Variants in GRIK2 observed in about 807,000 individuals in gnomAD.
GRIK2 encodes the protein glutamate ionotropic receptor kainate type subunit 2.
GRIK2 carries 32 observed loss-of-function variants against 100.3 expected under a neutral mutation model. That is an observed-to-expected ratio of 0.32 (90% CI 0.24 to 0.43). The LOEUF (loss-of-function observed/expected upper bound fraction) is 0.43. Among genes scored for constraint, GRIK2 ranks in the 20% least tolerant of loss-of-function variants. The pLI is 1.00. For missense variants in GRIK2, 843 were observed against 1,114.9 expected (o/e 0.76, Z 3.47); for synonymous variants, 417 against 389.4 (o/e 1.07, Z -0.83).
intron 2 of GRIK2, among the ~76,000 whole-genome samples, chr6:101,552,903 A>G (rs929217810): frequency 5.3e-5 from 8 of 152,204 alleles, no homozygotes; most frequent in African/African-American, 1.9e-4. Flanking sequence ...CTGAAGTTCA[A>G]ACTACTAGAT....
At chr6:101,604,116 C>T (rs900135842) in intron 2 of GRIK2, among the ~76,000 whole-genome samples, 2 of 151,416 alleles carry the variant, frequency 1.3e-5, no homozygotes, top group East Asian at 1.9e-4. Flanking sequence ...AAAATTCTTT[C>T]GAGGATTTAT....
chr6:101,715,556 A>T (rs1349628287), intron 7 of GRIK2, among the ~76,000 whole-genome samples: 3 of 151,830 alleles, frequency 2.0e-5, no homozygotes, highest in Non-Finnish European at 4.4e-5. Context: ...AGGGACTTAA[A>T]GATCAAACCA....
At chr6:101,789,401 T>C (rs1779669681) in intron 7 of GRIK2, among the ~76,000 whole-genome samples, 1 of 152,150 alleles carries the variant, frequency 6.6e-6, no homozygotes, top group Non-Finnish European at 1.5e-5. Context: ...AAGGAAGGGA[T>C]CCAGTTTCAG....
At chr6:101,984,194 T>C (rs534156852) in intron 14 of GRIK2, among the ~76,000 whole-genome samples, 3 of 151,824 alleles carry the variant, frequency 2.0e-5, no homozygotes, top group South Asian at 4.1e-4. Flanking sequence ...TATAAGTGCT[T>C]ATTTAATGGG....
intron 7 of GRIK2, among the ~76,000 whole-genome samples, chr6:101,749,783 A>C (rs1278338296): frequency 6.6e-6 from 1 of 151,028 alleles, no homozygotes; most frequent in Non-Finnish European, 1.5e-5. Context: ...TGCTTACTGA[A>C]AACTTGTGTG....
chr6:101,952,599 C>T (rs1791667437), intron 14 of GRIK2, among the ~76,000 whole-genome samples: 2 of 151,294 alleles, frequency 1.3e-5, no homozygotes, highest in South Asian at 2.1e-4. Flanking sequence ...TGCATAATCA[C>T]CACAATATTT....
intron 7 of GRIK2, among the ~76,000 whole-genome samples, chr6:101,732,262 TG>T: frequency 6.6e-6 from 1 of 152,092 alleles, no homozygotes; most frequent in Non-Finnish European, 1.5e-5. Context: ...ACTTCCTATT[TG>T]GATTTTAAAG....
At chr6:101,615,911 C>T (rs984652195) in intron 2 of GRIK2, among the ~76,000 whole-genome samples, 3 of 151,680 alleles carry the variant, frequency 2.0e-5, no homozygotes, top group African/African-American at 4.8e-5. Flanking sequence ...ATATAGAGAG[C>T]CTTATATTTC....
At chr6:102,055,601 T>C in intron 16 of GRIK2, 21 bp downstream of exon 16, 2 of 1,559,336 alleles carry the variant, frequency 1.3e-6, no homozygotes, top group Non-Finnish European at 1.8e-6. Flanking sequence ...CTTGTTTCAG[T>C]TTAAATTTAA....
intron 12 of GRIK2, among the ~76,000 whole-genome samples, chr6:101,900,062 T>C (rs1454934045): frequency 6.6e-6 from 1 of 152,200 alleles, no homozygotes; most frequent in African/African-American, 2.4e-5. Context: ...GAGAAATGTG[T>C]ATTTATTTTA....
At chr6:101,885,773 G>T (rs1582456735) in intron 11 of GRIK2, among the ~76,000 whole-genome samples, 1 of 152,038 alleles carries the variant, frequency 6.6e-6, no homozygotes, top group East Asian at 1.9e-4. Flanking sequence ...AGTGAAATTT[G>T]AGGTTTACAG....
At chr6:102,012,123 C>A (rs1562110392) in intron 14 of GRIK2, among the ~76,000 whole-genome samples, 1 of 151,732 alleles carries the variant, frequency 6.6e-6, no homozygotes, top group African/African-American at 2.4e-5. Context: ...TTTGTATTGC[C>A]TTTTTTCCTC....
At chr6:101,842,220 C>T (rs2128435138) in intron 10 of GRIK2, among the ~76,000 whole-genome samples, 1 of 152,202 alleles carries the variant, frequency 6.6e-6, no homozygotes, top group African/African-American at 2.4e-5. Context: ...ACATTTTCTC[C>T]TTATGGGCCA....
At chr6:101,612,276 AAAAC>A (rs1166435542) in intron 2 of GRIK2, among the ~76,000 whole-genome samples, 3 of 151,984 alleles carry the variant, frequency 2.0e-5, no homozygotes, top group African/African-American at 7.2e-5. Flanking sequence ...ATAAAGAAGA[AAAAC>A]AAATCTTAGA....
intron 2 of GRIK2, among the ~76,000 whole-genome samples, chr6:101,510,839 C>CA (rs58551048): frequency 0.13 from 19,026 of 151,116 alleles, 1,373 homozygotes; most frequent in African/African-American, 0.2. Context: ...GATCTTTAAA[C>CA]AAAAAAATAG....
intron 2 of GRIK2, among the ~76,000 whole-genome samples, chr6:101,576,056 G>T (rs1267880554): frequency 2.0e-5 from 3 of 151,926 alleles, no homozygotes; most frequent in Non-Finnish European, 2.9e-5. Flanking sequence ...AAACATGTTT[G>T]AAATTATATT....
At chr6:102,046,729 G>T (rs549852753) in intron 15 of GRIK2, among the ~76,000 whole-genome samples, 1 of 152,186 alleles carries the variant, frequency 6.6e-6, no homozygotes, top group African/African-American at 2.4e-5. Flanking sequence ...AACATATATA[G>T]AACTTTCCAT....
At chr6:101,614,731 C>T (rs920094616) in intron 2 of GRIK2, among the ~76,000 whole-genome samples, 2 of 151,808 alleles carry the variant, frequency 1.3e-5, no homozygotes, top group Middle Eastern at 6.8e-3. Context: ...AACATATCTT[C>T]TGGGAGGATA....
chr6:101,717,432 C>A (rs1278403687), intron 7 of GRIK2, among the ~76,000 whole-genome samples: 3 of 151,640 alleles, frequency 2.0e-5, no homozygotes, highest in Non-Finnish European at 2.9e-5. Context: ...ATATTCAAGC[C>A]TAAACTACTA....
Sources: allele counts gnomAD v4.1 joint callset (sites outside exome capture counted in the v4.1 genomes callset), GRCh38; gene constraint gnomAD v4.1.1; transcripts MANE v1.5; gene names NCBI Gene and HGNC (gene_info 2026-07-23, HGNC 2026-07-21).